GLCE: variants seen among roughly 807,000 people sequenced by gnomAD.
GLCE encodes D-glucuronyl C5-epimerase.
In GLCE, 19 loss-of-function variants were observed where a neutral mutation model predicts 47.9. The observed-to-expected ratio is 0.40, with a 90% CI of 0.28 to 0.58. GLCE has a LOEUF of 0.58. GLCE is among the 20% of genes least tolerant of loss of function. The pLI, the probability that GLCE is intolerant of heterozygous loss-of-function variation, is 0.48. For synonymous variants in GLCE, 245 were observed against 263.4 expected, an observed-to-expected ratio of 0.93 and a Z score of 0.68; for missense variants, 556 against 743.3, an observed-to-expected ratio of 0.75 and a Z score of 2.93.
At position 69,189,376 on chromosome 15, in the gene GLCE, C is replaced by T. The variant is rs117929941; in HGVS notation, c.-104-20940C>T. On this transcript the variant is annotated intron_variant, in intron 1 of 4. Transcript: ENST00000261858. ...TCTTTTCATGCATGGCATGATTGCT[C>T]ATTTCTCTTTAGCGCTGAATCATAT... is the stretch of plus-strand genomic sequence containing the variant. Among the ~76,000 whole-genome samples, 237 of 152,304 alleles carry T rather than the reference C, an allele frequency of 1.6e-3. 3 individuals are homozygous for T. In the East Asian group the frequency reaches 0.029, roughly 19 times the overall value.
chr15:69,187,635 T>C (rs996244110), intron 1 of GLCE, among the ~76,000 whole-genome samples: 4 of 152,212 alleles, frequency 2.6e-5, no homozygotes, highest in African/African-American at 7.2e-5. Context: ...AACATGAATG[T>C]ACAATTTAAA....
chr15:69,218,325 C>T (rs1468478398), intron 2 of GLCE, among the ~76,000 whole-genome samples: 1 of 151,886 alleles, frequency 6.6e-6, no homozygotes, highest in Non-Finnish European at 1.5e-5. Context: ...GCCTGGGCAA[C>T]ATGGTGAAAC....
chr15:69,235,562 A>G (rs1333639444), intron 2 of GLCE, among the ~76,000 whole-genome samples: 2 of 152,188 alleles, frequency 1.3e-5, no homozygotes, highest in African/African-American at 4.8e-5. Context: ...GTATGATATC[A>G]GCTTAACAGA....
chr15:69,208,178 GATT>G (rs1050567390), intron 1 of GLCE, among the ~76,000 whole-genome samples: 1 of 151,774 alleles, frequency 6.6e-6, no homozygotes, highest in African/African-American at 2.4e-5. Flanking sequence ...TAATTTTATG[GATT>G]ATGTTTTTGA....
chr15:69,216,347 A>G (rs1473882795), intron 2 of GLCE, among the ~76,000 whole-genome samples: 3 of 152,150 alleles, frequency 2.0e-5, no homozygotes, highest in African/African-American at 7.2e-5. Context: ...CAATATGGAC[A>G]AACTTTGGTA....
At position 69,256,010 on chromosome 15, in the gene GLCE, G is replaced by A. The variant is rs1566970629; in HGVS notation, c.204G>A (p.Val68=). The A allele has an allele frequency of 6.2e-7, 1 of 1,614,022 alleles. No individual in the cohort carries two copies. Among genetic ancestry groups the A allele is most frequent in the Middle Eastern group, 1.7e-4 (1 of 6,060 alleles). The stretch of plus-strand genomic sequence containing the variant: ...AGAGTAACAACTATATGAACCACGT[G>A]GCCAAACAACAGTCTGAGGAAGCAT... ...ASESNNYMNH[V]AKQQSEEAFP... Residue 68 remains valine (V), a synonymous_variant, in exon 3 of 5, where the codon GTG becomes GTA. Transcript: ENST00000261858.
intron 1 of GLCE, among the ~76,000 whole-genome samples, chr15:69,168,216 T>A (rs2051534209): frequency 6.6e-6 from 1 of 152,150 alleles, no homozygotes; most frequent in East Asian, 1.9e-4. Flanking sequence ...GAGGATTGCT[T>A]GAGCCTAGGA....
intron 2 of GLCE, among the ~76,000 whole-genome samples, chr15:69,237,528 G>A (rs1361496152): frequency 6.6e-6 from 1 of 151,960 alleles, no homozygotes; most frequent in Admixed American, 6.6e-5. Flanking sequence ...AACCCAGGAG[G>A]CAGAGGTTGC....
chr15:69,235,532 A>T (rs955245495), intron 2 of GLCE, among the ~76,000 whole-genome samples: 1 of 152,162 alleles, frequency 6.6e-6, no homozygotes, highest in Non-Finnish European at 1.5e-5. Flanking sequence ...TAATCTTAAA[A>T]CTACTTTATA....
In GLCE at chr15:69,165,526, T is replaced by TA. The variant is rs1555402259; in HGVS notation, c.-105+4770dup. Among the ~76,000 whole-genome samples the TA allele has an allele frequency of 7.1e-3, 1,055 of 147,574 alleles. 12 individuals are homozygous for TA. The highest frequency in any genetic ancestry group is 0.024 in the African/African-American group (943 of 39,640). On this transcript the variant is annotated intron_variant, in intron 1 of 4. Transcript: ENST00000261858. ...TCTGCTTTTTTTTTTTTTTTTTTTT[T>TA]AGCTCTTTTTTAGTTACCATTTTTT...
At chr15:69,265,264 A>C (rs372259097) in intron 4 of GLCE, among the ~76,000 whole-genome samples, 31 of 152,278 alleles carry the variant, frequency 2.0e-4, no homozygotes, top group African/African-American at 7.5e-4. Context: ...ATAAAAAAAA[A>C]ACAAAACTTT....
At chr15:69,257,204 A>T (rs765785999) in intron 3 of GLCE, among the ~76,000 whole-genome samples, 1 of 152,198 alleles carries the variant, frequency 6.6e-6, no homozygotes, top group Non-Finnish European at 1.5e-5. Context: ...ACTCCCACAG[A>T]CCGAAGGATT....
chr15:69,192,867 A>G (rs1014386268), intron 1 of GLCE, among the ~76,000 whole-genome samples: 2 of 152,106 alleles, frequency 1.3e-5, no homozygotes, highest in African/African-American at 2.4e-5. Context: ...ACAAATTTTA[A>G]CAATTCCTGG....
chr15:69,255,676 C>A, intron 2 of GLCE, 118 bp from the exon 3 acceptor site: 1 of 574,922 alleles, frequency 1.7e-6, no homozygotes, highest in Non-Finnish European at 3.0e-6. Flanking sequence ...TAAATCTGAT[C>A]CAAAATTGTC....
chr15:69,231,725 A>G (rs1464364814), intron 2 of GLCE, among the ~76,000 whole-genome samples: 4 of 152,146 alleles, frequency 2.6e-5, no homozygotes, highest in African/African-American at 9.7e-5. Flanking sequence ...ATATTTTTAT[A>G]TATGCCTATG....
rs796808478 is a variant in GLCE, at chr15:69,246,391, A to T, written c.-13-9403A>T. 7.2e-5 allele frequency among the ~76,000 whole-genome samples: 11 copies of T among 152,230 alleles called. No homozygotes were observed. In the South Asian group the frequency reaches 2.3e-3, roughly 32 times the overall value. On this transcript the variant is annotated intron_variant, in intron 2 of 4. Transcript: ENST00000261858. ...GAGGAATCACCATCTATGGCCAGCT[A>T]TAGTGTTACAAAATGTATTTATTAA...
At chr15:69,235,263 A>C (rs941535343) in intron 2 of GLCE, among the ~76,000 whole-genome samples, 1 of 151,320 alleles carries the variant, frequency 6.6e-6, no homozygotes, top group Non-Finnish European at 1.5e-5. Context: ...TTATGCCACC[A>C]CACCCTCCTA....
chr15:69,226,016 C>G (rs1296842312), intron 2 of GLCE, among the ~76,000 whole-genome samples: 2 of 151,144 alleles, frequency 1.3e-5, no homozygotes, highest in Admixed American at 6.6e-5. Context: ...CCTCCCTCCT[C>G]TAAACACATA....
chr15:69,222,349 C>T (rs1030776549), intron 2 of GLCE, among the ~76,000 whole-genome samples: 16 of 152,146 alleles, frequency 1.1e-4, no homozygotes, highest in South Asian at 4.1e-4. Flanking sequence ...GGAGGCACCA[C>T]GGGCAGGAAG....
Sources: gnomAD v4.1 joint callset for allele counts (sites outside exome capture counted in the v4.1 genomes callset) on GRCh38, gnomAD v4.1.1 for gene constraint, MANE v1.5 for transcripts, NCBI Gene and HGNC (gene_info 2026-07-23, HGNC 2026-07-21) for gene names.